Variants in PDE4D observed in about 807,000 individuals in gnomAD.
The protein encoded by PDE4D is 3',5'-cyclic-AMP phosphodiesterase 4D.
A neutral mutation model predicts 87.4 loss-of-function variants in PDE4D; 24 were observed. The observed-to-expected ratio is 0.27, with a 90% CI of 0.20 to 0.39. The LOEUF is 0.39. Among genes scored for constraint, PDE4D ranks in the 10% least tolerant of loss-of-function variants. The pLI is 1.00. For missense variants in PDE4D, 714 were observed against 1,041.0 expected (o/e 0.69, Z 4.32); for synonymous variants, 384 against 383.2 (o/e 1.00, Z -0.02).
intron 1 of PDE4D, among the ~76,000 whole-genome samples, chr5:59,503,179 T>G (rs945133195): frequency 6.6e-6 from 1 of 152,100 alleles, no homozygotes; most frequent in African/African-American, 2.4e-5. Context: ...GCTCTGGAGC[T>G]CTTAGGTAAT....
At chr5:60,430,628 A>C (rs1405665040) in intron 1 of PDE4D, 1 of 204,968 alleles carries the variant, frequency 4.9e-6, no homozygotes, top group Non-Finnish European at 9.6e-6. Context: ...TAGTGGAGGG[A>C]AGGTCAGCAG....
chr5:59,864,637 AT>A (rs1478658374), intron 1 of PDE4D, among the ~76,000 whole-genome samples: 4 of 152,176 alleles, frequency 2.6e-5, no homozygotes, highest in Admixed American at 6.5e-5. Context: ...GTTAGGGAAG[AT>A]TGCCCTCTGA....
At chr5:60,368,210 A>G (rs1760717366) in intron 1 of PDE4D, among the ~76,000 whole-genome samples, 2 of 152,230 alleles carry the variant, frequency 1.3e-5, no homozygotes, top group Admixed American at 1.3e-4. Flanking sequence ...CTGCAGACAG[A>G]AGGCTTGTGT....
chr5:59,630,424 AC>A (rs1561362209), intron 1 of PDE4D, among the ~76,000 whole-genome samples: 1 of 152,094 alleles, frequency 6.6e-6, no homozygotes, highest in Non-Finnish European at 1.5e-5. Flanking sequence ...ATGTTTATAG[AC>A]CCTCACCTTC....
intron 1 of PDE4D, among the ~76,000 whole-genome samples, chr5:59,749,522 A>T (rs1369452575): frequency 2.6e-5 from 4 of 152,104 alleles, no homozygotes; most frequent in Admixed American, 6.6e-5. Context: ...AAGTGCTGGG[A>T]TTACAGCCGT....
intron 1 of PDE4D, among the ~76,000 whole-genome samples, chr5:59,432,080 A>G (rs1796188567): frequency 6.6e-6 from 1 of 152,148 alleles, no homozygotes. Flanking sequence ...TGACACAGAA[A>G]TGTGAAGATA....
intron 2 of PDE4D, among the ~76,000 whole-genome samples, chr5:60,004,532 A>G (rs1365175280): frequency 2.0e-5 from 3 of 152,084 alleles, no homozygotes; most frequent in Non-Finnish European, 4.4e-5. Flanking sequence ...ATTCTCAGAT[A>G]ATTGAATCCC....
chr5:59,937,947 G>C (rs1317648219), intron 3 of PDE4D, among the ~76,000 whole-genome samples: 1 of 152,116 alleles, frequency 6.6e-6, no homozygotes, highest in African/African-American at 2.4e-5. Flanking sequence ...CTCCATTAAC[G>C]GTTTCTCTCT....
chr5:59,394,890 G>A (rs1020588568), intron 1 of PDE4D, among the ~76,000 whole-genome samples: 10 of 152,132 alleles, frequency 6.6e-5, no homozygotes, highest in Admixed American at 1.3e-4. Context: ...TGCACAAGCC[G>A]AAGCAGGGCG....
At chr5:59,438,938 A>G (rs1318895549) in intron 1 of PDE4D, among the ~76,000 whole-genome samples, 1 of 152,250 alleles carries the variant, frequency 6.6e-6, no homozygotes, top group Non-Finnish European at 1.5e-5. Flanking sequence ...AAATGATACA[A>G]AAGTTGTCTC....
chr5:59,411,428 CATAACA>C (rs1792661234), intron 1 of PDE4D, among the ~76,000 whole-genome samples: 1 of 152,156 alleles, frequency 6.6e-6, no homozygotes, highest in African/African-American at 2.4e-5. Flanking sequence ...CCAGGGCTTC[CATAACA>C]AAATACCACA....
intron 1 of PDE4D, among the ~76,000 whole-genome samples, chr5:59,496,149 A>G (rs1229235802): frequency 1.3e-5 from 2 of 152,112 alleles, no homozygotes; most frequent in Non-Finnish European, 2.9e-5. Context: ...GCCGCTCAGC[A>G]GCCCGGGCTC....
intron 1 of PDE4D, among the ~76,000 whole-genome samples, chr5:60,485,395 CAA>C (rs3834830): frequency 0.16 from 20,987 of 130,936 alleles, 2,917 homozygotes; most frequent in African/African-American, 0.38. Flanking sequence ...CAAAATTCAC[CAA>C]AAAAAAAAAA....
At chr5:59,516,696 G>T (rs896717348) in intron 1 of PDE4D, among the ~76,000 whole-genome samples, 3 of 152,100 alleles carry the variant, frequency 2.0e-5, no homozygotes, top group Non-Finnish European at 4.4e-5. Flanking sequence ...GAAGAAATTT[G>T]AGGAAGGCTT....
At chr5:59,894,490 G>A (rs1751426105), upstream of PDE4D, among the ~76,000 whole-genome samples, 1 of 152,212 alleles carries the variant, frequency 6.6e-6, no homozygotes, top group Non-Finnish European at 1.5e-5. Flanking sequence ...ACAGCAGGGA[G>A]AATGCCCAAT....
At chr5:58,999,484 C>T (rs774464385) in intron 6 of PDE4D, 12 of 1,503,730 alleles carry the variant, frequency 8.0e-6, no homozygotes, top group African/African-American at 1.4e-5. Flanking sequence ...CTAAGTAAGT[C>T]TTACCTTTAT....
intron 1 of PDE4D, chr5:59,592,154 A>G: frequency 1.0e-6 from 1 of 984,146 alleles, no homozygotes; most frequent in Non-Finnish European, 1.2e-6. Flanking sequence ...CCAATCCCCC[A>G]GGAACAGAAC....
In PDE4D at chr5:59,320,751, A is replaced by C. The variant is rs576108624; in HGVS notation, c.456-104783T>G. On this transcript the variant is annotated intron_variant, in intron 1 of 14. Coordinates refer to ENST00000340635, the MANE Select transcript of PDE4D (RefSeq NM_001104631.2). ...CTAGGCTTTTAAAAATTGTGAACTT[A>C]GAGCACCGCTATTTCCCTTTCAAAT... 3.2e-4 allele frequency among the ~76,000 whole-genome samples: 48 copies of C among 152,224 alleles called. 1 individual carries two copies. Among genetic ancestry groups the C allele is most frequent in the African/African-American group, 1.2e-3 (48 of 41,548 alleles).
intron 1 of PDE4D, among the ~76,000 whole-genome samples, chr5:59,665,384 C>T (rs577568463): frequency 6.6e-6 from 1 of 152,306 alleles, no homozygotes; most frequent in East Asian, 1.9e-4. Context: ...TCTTATATTC[C>T]TGTGAACAGA....
Sources: allele counts gnomAD v4.1 joint callset (sites outside exome capture counted in the v4.1 genomes callset), GRCh38; gene constraint gnomAD v4.1.1; transcripts MANE v1.5; gene names NCBI Gene and HGNC (gene_info 2026-07-23, HGNC 2026-07-21).